The following ISX variants were observed in gnomAD, a reference collection of about 807,000 sequenced individuals.
The protein encoded by ISX is intestine-specific homeobox.
In ISX, 15 loss-of-function variants were observed where a neutral mutation model predicts 16.9. That is an observed-to-expected ratio of 0.89 (90% CI 0.59 to 1.36). The LOEUF is 1.36. Among genes scored for constraint, ISX ranks in the 40% most tolerant of loss-of-function variants. The pLI is 0.00. For missense variants in ISX, 316 were observed against 306.1 expected, an observed-to-expected ratio of 1.03 and a Z score of -0.24; for synonymous variants, 125 against 119.7, an observed-to-expected ratio of 1.04 and a Z score of -0.29.
chr22:35,074,421 A>G (rs867517204), intron 2 of ISX, among the ~76,000 whole-genome samples: 2 of 152,326 alleles, frequency 1.3e-5, no homozygotes, highest in Admixed American at 6.5e-5. Context: ...CAGGACCCTT[A>G]GAACTCTTTG....
intron 3 of ISX, among the ~76,000 whole-genome samples, chr22:35,084,140 A>C (rs1464292550): frequency 6.6e-6 from 1 of 152,198 alleles, no homozygotes; most frequent in Non-Finnish European, 1.5e-5. Context: ...CGCCAATCCC[A>C]ATTGGGCAGC....
chr22:35,070,655 G>A (rs971299226), intron 2 of ISX, among the ~76,000 whole-genome samples: 3 of 152,188 alleles, frequency 2.0e-5, no homozygotes, highest in African/African-American at 7.2e-5. Flanking sequence ...GCCAGGCTGG[G>A]GGCTGGGGAG....
At chr22:35,083,615 T>C (rs1008594140) in intron 3 of ISX, among the ~76,000 whole-genome samples, 2 of 152,220 alleles carry the variant, frequency 1.3e-5, no homozygotes, top group Non-Finnish European at 2.9e-5. Context: ...TCTAAGTTGC[T>C]CTCCTTTTTT....
At position 35,067,293 on chromosome 22, in the gene ISX, A is replaced by C; in HGVS notation, c.206A>C (p.Lys69Thr). 6.3e-7 allele frequency: 1 copy of C among 1,578,806 alleles called. No individual in the cohort carries two copies. Among genetic ancestry groups the C allele is most frequent in the Non-Finnish European group, 8.6e-7 (1 of 1,161,984 alleles). The stretch of plus-strand genomic sequence containing the variant: ...GCGGCCTCAGGCTCTGGGCTAGAAA[A>C]GCCTCCAAAGGACCAGCCCCAGGGT... The part of the protein sequence containing the change: ...EAAASGSGLE[K>T]PPKDQPQEGR... Residue 69 changes from lysine to threonine, a missense_variant, in exon 2 of 5, where the codon AAG becomes ACG. Lys to Thr is a moderately conservative substitution (Grantham distance 78). Transcript: ENST00000404699.
rs1928715537 is a variant in ISX at position 35,067,005 on chromosome 22, C to T, written c.-83C>T. 1.9e-6 allele frequency: 2 copies of T among 1,028,054 alleles called. No individual in the cohort carries two copies. Among genetic ancestry groups the T allele is most frequent in the Admixed American group, 2.0e-5 (1 of 49,104 alleles). 63.7% of individuals were successfully genotyped at this position (1,028,054 alleles called of 1,614,324 possible). A position where few individuals can be genotyped will look rare whatever the true frequency, so the allele number is the denominator to read the frequency against. ...TCTTCACCTCCACGCGCCCTCTTGA[C>T]CCCAGGAGGTTCAGGGGAGGAAGTA... On this transcript the variant is annotated 5_prime_UTR_variant, in exon 2 of 5. Coordinates refer to ENST00000404699, the MANE Select transcript of ISX (RefSeq NM_001303508.2).
At chr22:35,076,690 A>C (rs894008795) in intron 2 of ISX, among the ~76,000 whole-genome samples, 4 of 152,178 alleles carry the variant, frequency 2.6e-5, no homozygotes. Context: ...GACCCCAGAG[A>C]AGAAGCAATC....
At chr22:35,081,093 A>G (rs1040346078) in intron 2 of ISX, among the ~76,000 whole-genome samples, 2 of 152,256 alleles carry the variant, frequency 1.3e-5, no homozygotes, top group African/African-American at 4.8e-5. Context: ...TATTGCCAGT[A>G]AGAAAGATTA....
At chr22:35,080,306 C>T (rs1929095493) in intron 2 of ISX, among the ~76,000 whole-genome samples, 1 of 152,216 alleles carries the variant, frequency 6.6e-6, no homozygotes, top group Non-Finnish European at 1.5e-5. Flanking sequence ...CCTCAGTCCT[C>T]AGTTCCCCTT....
At chr22:35,082,824 T>C (rs1352643354) in intron 3 of ISX, among the ~76,000 whole-genome samples, 155 bp downstream of exon 3, 2 of 152,230 alleles carry the variant, frequency 1.3e-5, no homozygotes, top group Non-Finnish European at 2.9e-5. Context: ...TTATTTTCCA[T>C]GAAATGAGGT....
Position 35,085,779 on chromosome 22 carries a change from C to A in ISX, c.*86C>A. On this transcript the variant is annotated 3_prime_UTR_variant, in exon 5 of 5. Coordinates refer to ENST00000404699, the MANE Select transcript of ISX (RefSeq NM_001303508.2). ...ATGTGCCCTGGGCCTCTGGGGAAATCGATTTCACAATCCAAAAATGGCCCA... is the reference window on the plus strand; with the variant it reads ...ATGTGCCCTGGGCCTCTGGGGAAATAGATTTCACAATCCAAAAATGGCCCA... 1.3e-6 allele frequency: 2 copies of A among 1,566,672 alleles called. No homozygotes were observed. The highest frequency in any genetic ancestry group is 1.7e-5 in the Admixed American group (1 of 59,056).
chr22:35,066,793 C>T lies in ISX; in HGVS notation c.-295C>T, dbSNP rs111427997. 1.2e-3 allele frequency: 434 copies of T among 357,056 alleles called. 3 individuals are homozygous for T. The highest frequency in any genetic ancestry group is 7.7e-3 in the African/African-American group (379 of 48,926). The allele number at this position is 357,056 out of a possible 1,614,324, so 22.1% of individuals were successfully genotyped here. A position where few individuals can be genotyped will look rare whatever the true frequency, so the allele number is the denominator to read the frequency against. ...TGGTGATTGTGCAGGCAACTGTGTCCGAGAAGACCCTTCTCTGGAAGATTG... is the reference window on the plus strand; with the variant it reads ...TGGTGATTGTGCAGGCAACTGTGTCTGAGAAGACCCTTCTCTGGAAGATTG... On this transcript the variant is annotated 5_prime_UTR_variant, in exon 2 of 5. Coordinates refer to ENST00000404699, the MANE Select transcript of ISX (RefSeq NM_001303508.2).
In ISX at chr22:35,085,792, CAAA is replaced by C; in HGVS notation, c.*102_*104del. The C allele has an allele frequency of 1.3e-6, 2 of 1,496,576 alleles. No individual in the cohort carries two copies. Among genetic ancestry groups the C allele is most frequent in the Non-Finnish European group, 1.8e-6 (2 of 1,089,214 alleles). 92.7% of individuals were successfully genotyped at this position (1,496,576 alleles called of 1,614,324 possible). On this transcript the variant is annotated 3_prime_UTR_variant, in exon 5 of 5. Coordinates refer to ENST00000404699, the MANE Select transcript of ISX (RefSeq NM_001303508.2). ...CTCTGGGGAAATCGATTTCACAATC[CAAA>C]AATGGCCCACAGCCCAGGAAGCTAC...
intron 2 of ISX, among the ~76,000 whole-genome samples, chr22:35,076,043 T>A (rs1351580279): frequency 1.3e-5 from 2 of 152,192 alleles, no homozygotes; most frequent in Non-Finnish European, 2.9e-5. Flanking sequence ...TAGAAAATTT[T>A]TTTTTACAAA....
Position 35,082,558 on chromosome 22 carries a change from C to T in ISX, c.270C>T (p.Thr90=), listed in dbSNP as rs1288120548. 1 of 1,614,180 alleles carries T rather than the reference C, an allele frequency of 6.2e-7. No individual in the cohort carries two copies. Among genetic ancestry groups the T allele is most frequent in the Non-Finnish European group, 8.5e-7 (1 of 1,180,010 alleles). ...KSKRRVRTTF[T]TEQLHELEKI... ...AGCGGAGGGTTCGTACCACCTTCAC[C>T]ACTGAGCAGCTGCATGAGCTGGAGA... Residue 90 remains threonine (T), a synonymous_variant, in exon 3 of 5, where the codon ACC becomes ACT. Coordinates refer to ENST00000404699, the MANE Select transcript of ISX (RefSeq NM_001303508.2).
At chr22:35,071,407 G>A (rs1928850395) in intron 2 of ISX, among the ~76,000 whole-genome samples, 1 of 152,176 alleles carries the variant, frequency 6.6e-6, no homozygotes. Context: ...TCCTTCTGGA[G>A]GCTCCAAGGG....
rs781453107 is a variant in ISX, at chr22:35,085,494, C to A, written c.539C>A (p.Pro180His). Residue 180 changes from proline (P) to histidine (H), a missense_variant, in exon 5 of 5, where the codon CCT (proline) becomes CAT (histidine). Physicochemically the swap from Pro to His is moderately conservative, Grantham distance 77. Transcript: ENST00000404699. ...TCCACTGCTCTGCGCAGGCTGGCTC[C>A]TCCCACGAGCTGTTGTCCATCGGCT... The part of the protein sequence containing the change: ...WTSTALRRLA[P>H]PTSCCPSAQD... 4.1e-5 allele frequency: 66 copies of A among 1,614,086 alleles called. No individual in the cohort carries two copies. Among genetic ancestry groups the A allele is most frequent in the Non-Finnish European group, 5.6e-5 (66 of 1,180,026 alleles).
chr22:35,073,441 T>C (rs1201141113), intron 2 of ISX, among the ~76,000 whole-genome samples: 2 of 152,188 alleles, frequency 1.3e-5, no homozygotes, highest in Non-Finnish European at 2.9e-5. Context: ...CTCACCATAA[T>C]GTAGAATCAA....
intron 2 of ISX, among the ~76,000 whole-genome samples, chr22:35,075,093 G>C (rs926996601): frequency 6.6e-6 from 1 of 152,148 alleles, no homozygotes; most frequent in Non-Finnish European, 1.5e-5. Context: ...CTAACAAAGT[G>C]CTTTAGAACA....
intron 3 of ISX, among the ~76,000 whole-genome samples, chr22:35,083,479 A>C (rs1050855232): frequency 6.6e-6 from 1 of 152,196 alleles, no homozygotes; most frequent in African/African-American, 2.4e-5. Context: ...ACAGTAGCCC[A>C]TTGTCACTCA....
Sources: allele counts gnomAD v4.1 joint callset (sites outside exome capture counted in the v4.1 genomes callset), GRCh38; gene constraint gnomAD v4.1.1; transcripts MANE v1.5; gene names NCBI Gene and HGNC (gene_info 2026-07-23, HGNC 2026-07-21).